Variants in STIM2 observed in about 807,000 individuals in gnomAD.
STIM2 encodes stromal interaction molecule 2.
Under a neutral mutation model 85.8 loss-of-function variants are expected in STIM2, and 31 were observed. That is an observed-to-expected ratio of 0.36 (90% CI 0.27 to 0.49). STIM2 has a LOEUF of 0.49. Ranked by LOEUF, STIM2 falls within the 20% of genes least tolerant of loss-of-function variation. STIM2 has a pLI of 0.98. For missense variants in STIM2, 841 were observed against 927.6 expected (o/e 0.91, Z 1.21); for synonymous variants, 356 against 331.1 (o/e 1.08, Z -0.82).
At chr4:26,976,030 C>G (rs1727173184) in intron 3 of STIM2, among the ~76,000 whole-genome samples, 1 of 152,214 alleles carries the variant, frequency 6.6e-6, no homozygotes, top group Non-Finnish European at 1.5e-5. Context: ...GTGAGCAAGG[C>G]TTCGTGGGTG....
At chr4:27,015,472 T>C (rs979999188) in intron 10 of STIM2, among the ~76,000 whole-genome samples, 7 of 152,054 alleles carry the variant, frequency 4.6e-5, no homozygotes, top group African/African-American at 1.4e-4. Context: ...AATATGTTCT[T>C]CAGTAAAAGC....
intron 3 of STIM2, among the ~76,000 whole-genome samples, chr4:26,986,937 G>C (rs1192782519): frequency 6.6e-6 from 1 of 152,202 alleles, no homozygotes; most frequent in Non-Finnish European, 1.5e-5. Flanking sequence ...AGTATAGCAG[G>C]AACATAAGAT....
At chr4:26,873,804 T>G in intron 1 of STIM2, 1 of 857,702 alleles carries the variant, frequency 1.2e-6, no homozygotes, top group South Asian at 1.3e-5. Flanking sequence ...GGTAAGGGGC[T>G]CTACAAGGCA....
intron 11 of STIM2, chr4:27,019,509 C>T: frequency 7.8e-7 from 1 of 1,287,754 alleles, no homozygotes; most frequent in Non-Finnish European, 1.0e-6. Context: ...AAACTTCCTG[C>T]ATTGATGGAA....
chr4:26,863,460 A>G (rs1489628474), intron 1 of STIM2, among the ~76,000 whole-genome samples: 1 of 152,154 alleles, frequency 6.6e-6, no homozygotes, highest in Admixed American at 6.5e-5. Flanking sequence ...TAAACTGAAA[A>G]TCTATGATGA....
intron 1 of STIM2, among the ~76,000 whole-genome samples, chr4:26,889,445 T>G (rs898878922): frequency 6.6e-6 from 1 of 152,096 alleles, no homozygotes; most frequent in Non-Finnish European, 1.5e-5. Context: ...ACCTAGATGG[T>G]GGATAAGGCA....
intron 10 of STIM2, among the ~76,000 whole-genome samples, chr4:27,010,596 T>C (rs1728525297): frequency 1.3e-5 from 2 of 152,192 alleles, no homozygotes; most frequent in Non-Finnish European, 2.9e-5. Context: ...TTTCTGGACC[T>C]GATAAATGGG....
intron 1 of STIM2, among the ~76,000 whole-genome samples, chr4:26,894,334 T>C (rs1723613871): frequency 6.6e-6 from 1 of 152,254 alleles, no homozygotes; most frequent in African/African-American, 2.4e-5. Flanking sequence ...CCAAATTAAC[T>C]GGATTTTCCC....
chr4:27,002,479 C>A, intron 6 of STIM2, 85 bp downstream of exon 6: 1 of 1,056,546 alleles, frequency 9.5e-7, no homozygotes, highest in Non-Finnish European at 1.4e-6. Flanking sequence ...TAAATACTTA[C>A]ATTTAGGTTA....
At chr4:26,934,397 C>A (rs947842325) in intron 2 of STIM2, among the ~76,000 whole-genome samples, 1 of 152,130 alleles carries the variant, frequency 6.6e-6, no homozygotes, top group African/African-American at 2.4e-5. Flanking sequence ...GATTTCATTC[C>A]ATTTTCATAA....
Position 26,861,366 on chromosome 4 carries a change from A to G in STIM2, c.148A>G (p.Thr50Ala). The change falls in exon 1 of 12, where the codon ACA (threonine) becomes GCA (alanine). Residue 50 changes from threonine to alanine, a missense_variant. Thr to Ala is a moderately conservative substitution (Grantham distance 58). This residue lies in a region of STIM2 where 140 missense variants were observed against 117.7 expected (regional missense o/e 1.19). Transcript: ENST00000467087. The stretch of plus-strand genomic sequence containing the variant: ...GGCCGGCGATAGCCCGGCGCTCATG[A>G]CAGGTGAGGGGCCGGGGGGCGGCGG... 1 of 1,316,866 alleles carries G rather than the reference A, an allele frequency of 7.6e-7. No homozygotes were observed. Among genetic ancestry groups the G allele is most frequent in the Non-Finnish European group, 9.6e-7 (1 of 1,038,448 alleles). The allele number at this position is 1,316,866 out of a possible 1,614,324, so 81.6% of individuals were successfully genotyped here.
At chr4:26,891,617 T>C (rs902370479) in intron 1 of STIM2, among the ~76,000 whole-genome samples, 7 of 152,002 alleles carry the variant, frequency 4.6e-5, no homozygotes, top group Non-Finnish European at 7.4e-5. Flanking sequence ...GGTTATTGGT[T>C]CTGTTTTTCT....
chr4:26,912,231 G>T (rs537045531), intron 1 of STIM2, among the ~76,000 whole-genome samples: 2 of 152,246 alleles, frequency 1.3e-5, no homozygotes, highest in South Asian at 4.1e-4. Context: ...AGTTGCCAGC[G>T]TGGTAAGCCA....
At chr4:26,891,012 A>T (rs966816234) in intron 1 of STIM2, among the ~76,000 whole-genome samples, 9 of 152,186 alleles carry the variant, frequency 5.9e-5, no homozygotes, top group Non-Finnish European at 7.3e-5. Context: ...CCCAAGTGGC[A>T]CAGCAGCTTA....
chr4:26,963,465 ATC>A (rs35893300), intron 3 of STIM2, among the ~76,000 whole-genome samples: 148,339 of 152,224 alleles, frequency 0.97, 72,318 homozygotes, highest in East Asian at 1. Flanking sequence ...AGCCTTGCAG[ATC>A]TAATAAGGTA....
chr4:26,906,572 A>G (rs1329579768), intron 1 of STIM2, among the ~76,000 whole-genome samples: 1 of 151,684 alleles, frequency 6.6e-6, no homozygotes, highest in Non-Finnish European at 1.5e-5. Flanking sequence ...AGTATATTCT[A>G]AAAAATATAA....
At chr4:26,914,404 C>A (rs767172310) in intron 1 of STIM2, among the ~76,000 whole-genome samples, 1 of 152,200 alleles carries the variant, frequency 6.6e-6, no homozygotes, top group Non-Finnish European at 1.5e-5. Context: ...GCTCATCTTT[C>A]AAGAATCAGT....
chr4:26,962,217 G>A (rs1726501151), intron 3 of STIM2, among the ~76,000 whole-genome samples: 2 of 152,152 alleles, frequency 1.3e-5, no homozygotes, highest in South Asian at 2.1e-4. Flanking sequence ...TGTAATTCTT[G>A]TGTGACATAA....
chr4:26,871,959 C>T (rs1302636177), intron 1 of STIM2, among the ~76,000 whole-genome samples: 8 of 152,138 alleles, frequency 5.3e-5, no homozygotes, highest in African/African-American at 1.9e-4. Flanking sequence ...ATGATTTAGT[C>T]TGTTAGTGCC....
Sources: allele counts gnomAD v4.1 joint callset (sites outside exome capture counted in the v4.1 genomes callset), GRCh38; gene constraint gnomAD v4.1.1; regional missense constraint gnomAD v4.1.1; transcripts MANE v1.5; gene names NCBI Gene and HGNC (gene_info 2026-07-23, HGNC 2026-07-21).